RCBTB2: variants seen among roughly 807,000 people sequenced by gnomAD.
The protein encoded by RCBTB2 is RCC1 and BTB domain containing protein 2, also known as RCC1 and BTB domain-containing protein 2.
A neutral mutation model predicts 65.4 loss-of-function variants in RCBTB2; 55 were observed. The observed-to-expected ratio is 0.84, with a 90% confidence interval of 0.68 to 1.05. The LOEUF (loss-of-function observed/expected upper bound fraction) is 1.05, where lower values mean the gene tolerates loss of function less well. RCBTB2 is among the 50% of genes least tolerant of loss of function. The pLI, the probability that RCBTB2 is intolerant of heterozygous loss-of-function variation, is 0.00. For missense variants in RCBTB2, 599 were observed against 680.1 expected (o/e 0.88, Z 1.33); for synonymous variants, 220 against 255.2 (o/e 0.86, Z 1.31).
chr13:48,531,685 G>A (rs1228628295), intron 1 of RCBTB2, among the ~76,000 whole-genome samples: 1 of 152,182 alleles, frequency 6.6e-6, no homozygotes, highest in Non-Finnish European at 1.5e-5. Context: ...TTTACCTGCT[G>A]CTTAATAACA....
chr13:48,518,470 AAAAT>A (rs1412575254), intron 4 of RCBTB2, among the ~76,000 whole-genome samples: 394 of 130,784 alleles, frequency 3.0e-3, no homozygotes, highest in African/African-American at 0.012. Flanking sequence ...AAAAAAAAAA[AAAAT>A]ATATATATAT....
intron 14 of RCBTB2, among the ~76,000 whole-genome samples, chr13:48,493,697 C>T (rs564424619): frequency 1.7e-4 from 26 of 152,092 alleles, no homozygotes; most frequent in African/African-American, 6.0e-4. Context: ...GTCTTGCCTC[C>T]CTGACCATTC....
chr13:48,492,762 T>A (rs1036708115), intron 14 of RCBTB2, among the ~76,000 whole-genome samples: 2 of 152,218 alleles, frequency 1.3e-5, no homozygotes, highest in Non-Finnish European at 2.9e-5. Context: ...CAGTCTCCTT[T>A]GCTGGTGTCT....
chr13:48,499,501 A>C, intron 13 of RCBTB2, 120 bp downstream of exon 13: 1 of 1,036,964 alleles, frequency 9.6e-7, no homozygotes, highest in Non-Finnish European at 1.4e-6. Context: ...TGGATTCAAC[A>C]CACACAAAAA....
chr13:48,525,571 A>G (rs1168473020), intron 1 of RCBTB2, among the ~76,000 whole-genome samples: 1 of 151,722 alleles, frequency 6.6e-6, no homozygotes. Context: ...TCATTTTAAA[A>G]GAAAATGCTG....
intron 10 of RCBTB2, among the ~76,000 whole-genome samples, chr13:48,506,004 T>C (rs1950484427): frequency 6.6e-6 from 1 of 152,212 alleles, no homozygotes; most frequent in African/African-American, 2.4e-5. Context: ...ATGACATCAG[T>C]GTGGCCCTGA....
intron 13 of RCBTB2, among the ~76,000 whole-genome samples, chr13:48,499,142 A>ACACACACACACACACACACACACACACT (rs1366425462): frequency 1.5e-5 from 2 of 132,290 alleles, no homozygotes; most frequent in African/African-American, 5.9e-5. Context: ...ACACACACAC[A>ACACACACACACACACACACACACACACT]CTCTCTCTCT....
At chr13:48,505,313 C>A (rs896565346) in intron 10 of RCBTB2, among the ~76,000 whole-genome samples, 2 of 152,200 alleles carry the variant, frequency 1.3e-5, no homozygotes, top group East Asian at 3.9e-4. Context: ...GATGACTACT[C>A]AGCCTTTTAA....
intron 14 of RCBTB2, 130 bp from the exon 15 acceptor site, chr13:48,490,381 T>C (rs1949646148): frequency 1.5e-6 from 1 of 682,378 alleles, no homozygotes; most frequent in Admixed American, 2.8e-5. Flanking sequence ...AATGATGGCA[T>C]GGTAATACCT....
At chr13:48,497,816 C>G (rs1327967798) in intron 13 of RCBTB2, among the ~76,000 whole-genome samples, 2 of 152,242 alleles carry the variant, frequency 1.3e-5, no homozygotes, top group African/African-American at 2.4e-5. Flanking sequence ...AGATAGCCCA[C>G]TGGAGGACAC....
chr13:48,535,568 C>G (rs1952352759), upstream of RCBTB2: 1 of 431,962 alleles, frequency 2.3e-6, no homozygotes, highest in African/African-American at 2.0e-5. Context: ...CCTATTCATT[C>G]TTGAATCTAT....
chr13:48,508,459 A>G (rs1950613751), intron 10 of RCBTB2, among the ~76,000 whole-genome samples: 1 of 151,536 alleles, frequency 6.6e-6, no homozygotes, highest in African/African-American at 2.4e-5. Context: ...CCCAGGCTAG[A>G]GTGCAGTGTC....
intron 4 of RCBTB2, among the ~76,000 whole-genome samples, chr13:48,521,216 T>C (rs1205837738): frequency 1.3e-5 from 2 of 152,220 alleles, no homozygotes; most frequent in African/African-American, 4.8e-5. Context: ...CTGCACACGG[T>C]AATGCTACAG....
rs1344710215 is a variant in RCBTB2, at chr13:48,512,899, A to C, written c.350-4T>G. 1 of 1,601,262 alleles carries C rather than the reference A, an allele frequency of 6.2e-7. No individual in the cohort carries two copies. Among genetic ancestry groups the C allele is most frequent in the Non-Finnish European group, 8.5e-7 (1 of 1,172,916 alleles). Reference sequence around the variant, plus strand: ...CCCCAGGTAAAGACTTCTCCTTCTGAAAATAAAAAGAAAGACAATCAGTTT... The same window carrying C: ...CCCCAGGTAAAGACTTCTCCTTCTGCAAATAAAAAGAAAGACAATCAGTTT... On this transcript the variant is annotated splice_polypyrimidine_tract_variant and splice_region_variant and intron_variant, in intron 6 of 14. Transcript: ENST00000344532.
chr13:48,520,192 T>C (rs1402379986), intron 4 of RCBTB2, among the ~76,000 whole-genome samples: 4 of 152,164 alleles, frequency 2.6e-5, no homozygotes, highest in African/African-American at 9.7e-5. Flanking sequence ...CATTCTTCTG[T>C]CCAGCACACT....
Position 48,515,274 on chromosome 13 carries a change from A to C in RCBTB2, c.280T>G (p.Ser94Ala). 3 of 1,614,150 alleles carry C rather than the reference A, an allele frequency of 1.9e-6. No individual in the cohort carries two copies. Among genetic ancestry groups the C allele is most frequent in the South Asian group, 1.1e-5 (1 of 91,090 alleles). ...CAGGCTATTTTTTTGCCATTTAAAGAATCCAGTCTCCGAGGTTCAATGGTG... is the reference window on the plus strand; with the variant it reads ...CAGGCTATTTTTTTGCCATTTAAAGCATCCAGTCTCCGAGGTTCAATGGTG... ...QSTIEPRRLD[S>A]LNGKKIACLS... Residue 94 changes from serine (S) to alanine (A), a missense_variant, in exon 6 of 15, where the codon TCT (serine) becomes GCT (alanine). Coordinates refer to ENST00000344532, the MANE Select transcript of RCBTB2 (RefSeq NM_001268.4).
chr13:48,508,036 C>T (rs1292132892), intron 10 of RCBTB2, among the ~76,000 whole-genome samples: 1 of 152,150 alleles, frequency 6.6e-6, no homozygotes, highest in African/African-American at 2.4e-5. Context: ...GATGGTTGCT[C>T]CAGCAAAGAA....
chr13:48,533,209 G>A (rs1952283729), upstream of RCBTB2: 36 of 339,180 alleles, frequency 1.1e-4, no homozygotes, highest in South Asian at 7.0e-4. Context: ...GGGGGCTGGC[G>A]ACGGCGTCTC....
chr13:48,499,321 T>C (rs1950128358), intron 13 of RCBTB2, among the ~76,000 whole-genome samples: 1 of 152,162 alleles, frequency 6.6e-6, no homozygotes, highest in Non-Finnish European at 1.5e-5. Flanking sequence ...ATAAGTGGAA[T>C]TCCTGGGCCC....
Sources: allele counts gnomAD v4.1 joint callset (sites outside exome capture counted in the v4.1 genomes callset), GRCh38; gene constraint gnomAD v4.1.1; transcripts MANE v1.5; gene names NCBI Gene and HGNC (gene_info 2026-07-23, HGNC 2026-07-21).